Variants in JMJD1C observed in about 807,000 individuals in gnomAD.
JMJD1C encodes the protein jumonji domain containing 1C, also known as jumonji domain-containing protein 1C.
JMJD1C carries 31 observed loss-of-function variants against 245.3 expected under a neutral mutation model. The ratio of observed to expected loss-of-function variants is 0.13; its 90% CI spans 0.09 to 0.17. The LOEUF (loss-of-function observed/expected upper bound fraction) is 0.17, where lower values mean the gene tolerates loss of function less well. Among genes scored for constraint, JMJD1C ranks in the 10% least tolerant of loss-of-function variants. The probability of loss-of-function intolerance (pLI) is 1.00; values close to 1 mark genes in which losing one functional copy is unlikely to be tolerated. For synonymous variants in JMJD1C, 1,057 were observed against 1,017.4 expected (o/e 1.04, Z -0.74); for missense variants, 2,691 against 3,000.2 (o/e 0.90, Z 2.41).
At chr10:63,379,592 C>G (rs1947047138) in intron 2 of JMJD1C, among the ~76,000 whole-genome samples, 2 of 152,162 alleles carry the variant, frequency 1.3e-5, no homozygotes, top group South Asian at 4.1e-4. Context: ...TACTGATTAA[C>G]AAACCAAGAA....
At chr10:63,202,783 T>G in intron 10 of JMJD1C, 4 of 985,148 alleles carry the variant, frequency 4.1e-6, no homozygotes, top group Non-Finnish European at 4.8e-6. Flanking sequence ...TCCTATGAAC[T>G]GTGTAAAATA....
intron 1 of JMJD1C, among the ~76,000 whole-genome samples, chr10:63,401,133 A>T (rs1363747993): frequency 1.3e-5 from 2 of 152,156 alleles, no homozygotes; most frequent in African/African-American, 2.4e-5. Flanking sequence ...TGCTGGGACT[A>T]CAGGCGTGAG....
At chr10:63,378,373 C>T (rs543283371) in intron 2 of JMJD1C, among the ~76,000 whole-genome samples, 16 of 152,098 alleles carry the variant, frequency 1.1e-4, no homozygotes, top group African/African-American at 2.2e-4. Flanking sequence ...GGGTGGATCA[C>T]GAGGTCAGGA....
chr10:63,457,704 A>G (rs1413061777), intron 1 of JMJD1C, among the ~76,000 whole-genome samples: 2 of 152,166 alleles, frequency 1.3e-5, no homozygotes, highest in Non-Finnish European at 1.5e-5. Flanking sequence ...GTTAAAGGGA[A>G]TTTCGGGTTT....
chr10:63,238,343 T>TA (rs1249461324), intron 3 of JMJD1C, among the ~76,000 whole-genome samples: 3 of 151,872 alleles, frequency 2.0e-5, no homozygotes, highest in Non-Finnish European at 2.9e-5. Flanking sequence ...CTAGAAAGTT[T>TA]AACGTATTTA....
intron 10 of JMJD1C, chr10:63,204,937 T>A (rs1418122164): frequency 1.0e-6 from 1 of 985,296 alleles, no homozygotes; most frequent in Non-Finnish European, 1.2e-6. Context: ...TGAAAGTACT[T>A]TGAGTGTCCA....
intron 2 of JMJD1C, among the ~76,000 whole-genome samples, chr10:63,375,023 A>G (rs1335711094): frequency 6.6e-6 from 1 of 152,042 alleles, no homozygotes; most frequent in Non-Finnish European, 1.5e-5. Context: ...TTTCTGGTCT[A>G]ATTTCTGGAC....
intron 1 of JMJD1C, among the ~76,000 whole-genome samples, chr10:63,388,729 A>G (rs191575710): frequency 9.5e-4 from 145 of 152,328 alleles, no homozygotes; most frequent in Non-Finnish European, 1.9e-3. Flanking sequence ...AAAACAGATT[A>G]AAGTGTCAGA....
chr10:63,167,283 A>G lies in JMJD1C; in HGVS notation c.*762T>C, dbSNP rs1324574713. The G allele has an allele frequency of 6.6e-6, 1 of 152,634 alleles. No individual in the cohort carries two copies. Among genetic ancestry groups the G allele is most frequent in the Non-Finnish European group, 1.5e-5 (1 of 68,044 alleles). The allele number at this position is 152,634 out of a possible 1,614,324, so 9.5% of individuals were successfully genotyped here. A position where few individuals can be genotyped will look rare whatever the true frequency, so the allele number is the denominator to read the frequency against. On this transcript the variant is annotated 3_prime_UTR_variant, in exon 26 of 26. Transcript: ENST00000399262. The stretch of plus-strand genomic sequence containing the variant: ...AACCCCTTTCAACTTTAATGTACAA[A>G]GCCATATGTAACACTTGCACTTTAA...
chr10:63,205,088 AAC>A, intron 10 of JMJD1C: 1 of 881,970 alleles, frequency 1.1e-6, no homozygotes, highest in African/African-American at 1.8e-5. Flanking sequence ...ATGATATAGA[AAC>A]ACTTTATAGT....
In JMJD1C at chr10:63,184,612, G is replaced by C. The variant is rs777873564; in HGVS notation, c.6957C>G (p.Ala2319=). The stretch of plus-strand genomic sequence containing the variant: ...GAAATGTGAATATATACCTACCATA[G>C]GCACTGCACAACCTGGGTCCTAGAT... ...RPDLGPRLCS[A]YGVVAAKDHD... Residue 2319 remains alanine, a synonymous_variant, in exon 21 of 26, where the codon GCC becomes GCG. Transcript: ENST00000399262. The C allele has an allele frequency of 1.2e-6, 2 of 1,601,096 alleles. No homozygotes were observed. Among genetic ancestry groups the C allele is most frequent in the Non-Finnish European group, 8.5e-7 (1 of 1,176,648 alleles).
Position 63,338,765 on chromosome 10 carries a change from C to T in JMJD1C, c.333+41553G>A, listed in dbSNP as rs369841510. On this transcript the variant is annotated intron_variant, in intron 2 of 25. Transcript: ENST00000399262. ...CTGGGTTCAAGCGATCCTCCTACCT[C>T]AGCCTCCCAAGTAGCTGGGATTACA... 3.1e-4 allele frequency among the ~76,000 whole-genome samples: 46 copies of T among 150,818 alleles called. No homozygotes were observed. In the East Asian group the frequency reaches 8.0e-3, roughly 26 times the overall value.
exon 1 of JMJD1C, chr10:63,521,767 C>T: frequency 2.8e-6 from 1 of 351,968 alleles, no homozygotes; most frequent in Non-Finnish European, 5.1e-6. Context: ...GAGCTCCCTG[C>T]GACGGCCGAG....
chr10:63,455,765 G>A (rs1482622731), intron 1 of JMJD1C, among the ~76,000 whole-genome samples: 2 of 152,028 alleles, frequency 1.3e-5, no homozygotes, highest in African/African-American at 2.4e-5. Context: ...TGAGAATTCA[G>A]TACTCTCAGG....
At chr10:63,437,977 T>C (rs1453583348) in intron 1 of JMJD1C, among the ~76,000 whole-genome samples, 2 of 152,182 alleles carry the variant, frequency 1.3e-5, no homozygotes, top group East Asian at 1.9e-4. Flanking sequence ...TTAGGTATGT[T>C]CTATATTCAC....
At chr10:63,212,953 C>T (rs990011666) in intron 8 of JMJD1C, among the ~76,000 whole-genome samples, 4 of 150,640 alleles carry the variant, frequency 2.7e-5, no homozygotes, top group African/African-American at 7.3e-5. Flanking sequence ...TTTGGGAGGC[C>T]GAGACAGACG....
At chr10:63,199,857 T>C (rs1433980543) in intron 11 of JMJD1C, among the ~76,000 whole-genome samples, 3 of 152,202 alleles carry the variant, frequency 2.0e-5, no homozygotes, top group Non-Finnish European at 4.4e-5. Context: ...CAGCTAACAA[T>C]AGAGCATTTC....
chr10:63,363,838 C>T (rs1446735021), intron 2 of JMJD1C, among the ~76,000 whole-genome samples: 2 of 151,410 alleles, frequency 1.3e-5, no homozygotes, highest in Admixed American at 1.3e-4. Flanking sequence ...AGGTACACGC[C>T]ACCATGCCTG....
At chr10:63,486,429 A>G (rs1328621048) in intron 1 of JMJD1C, among the ~76,000 whole-genome samples, 4 of 152,184 alleles carry the variant, frequency 2.6e-5, no homozygotes, top group African/African-American at 9.7e-5. Flanking sequence ...GACTTTAAGC[A>G]AGGAAGCAAA....
Sources: gnomAD v4.1 joint callset for allele counts (sites outside exome capture counted in the v4.1 genomes callset) on GRCh38, gnomAD v4.1.1 for gene constraint, MANE v1.5 for transcripts, NCBI Gene and HGNC (gene_info 2026-07-23, HGNC 2026-07-21) for gene names.